Variants in CLINT1 observed in about 807,000 individuals in gnomAD.
CLINT1 encodes the protein clathrin interactor 1, also known as clathrin interacting protein localized in the trans-Golgi region.
In CLINT1, 15 loss-of-function variants were observed where a neutral mutation model predicts 70.4. The observed-to-expected ratio is 0.21, with a 90% CI of 0.14 to 0.33. CLINT1 has a LOEUF of 0.33. Ranked by LOEUF, CLINT1 falls within the 10% of genes least tolerant of loss-of-function variation. CLINT1 has a pLI of 1.00. For synonymous variants in CLINT1, 227 were observed against 254.7 expected (o/e 0.89, Z 1.04); for missense variants, 615 against 778.1 (o/e 0.79, Z 2.49).
chr5:157,852,291 G>A (rs994214065), intron 1 of CLINT1, among the ~76,000 whole-genome samples: 1 of 152,108 alleles, frequency 6.6e-6, no homozygotes, highest in Non-Finnish European at 1.5e-5. Context: ...AATATGCTTT[G>A]CAATATTAAA....
At position 157,852,387 on chromosome 5, in the gene CLINT1, A is replaced by G. The variant is rs969534282; in HGVS notation, c.41+6543T>C. ...ATTAGCTGTCCTATATGTAGGCTAA[A>G]CTGAGTCTTAAGAGAGAGTACTCAC... On this transcript the variant is annotated intron_variant, in intron 1 of 11. Coordinates refer to ENST00000411809, the MANE Select transcript of CLINT1 (RefSeq NM_014666.4). Among the ~76,000 whole-genome samples, 5 of 152,232 alleles carry G rather than the reference A, an allele frequency of 3.3e-5. No individual in the cohort carries two copies. The South Asian group carries it at 8.3e-4, about 25-fold the overall frequency.
intron 1 of CLINT1, among the ~76,000 whole-genome samples, chr5:157,854,094 G>C (rs988466459): frequency 6.6e-6 from 1 of 152,118 alleles, no homozygotes; most frequent in Non-Finnish European, 1.5e-5. Context: ...CTAGAAAGCT[G>C]ACAACTATCT....
chr5:157,810,896 C>A (rs1331725523), intron 5 of CLINT1, among the ~76,000 whole-genome samples: 2 of 152,118 alleles, frequency 1.3e-5, no homozygotes, highest in Non-Finnish European at 2.9e-5. Flanking sequence ...AACGATTTTG[C>A]TGAATTGCCT....
intron 1 of CLINT1, among the ~76,000 whole-genome samples, chr5:157,852,927 A>G (rs949011500): frequency 1.4e-4 from 21 of 152,246 alleles, no homozygotes; most frequent in Admixed American, 5.9e-4. Context: ...ATATGTTGTC[A>G]CCAAAGGTAG....
chr5:157,804,881 C>T (rs980495048), intron 7 of CLINT1, among the ~76,000 whole-genome samples: 36 of 151,764 alleles, frequency 2.4e-4, no homozygotes, highest in Non-Finnish European at 4.6e-4. Flanking sequence ...GAGCCAAGAT[C>T]GCGCCATTGC....
intron 8 of CLINT1, chr5:157,795,882 T>G (rs1213963774): frequency 1.3e-5 from 2 of 151,990 alleles, no homozygotes; most frequent in Non-Finnish European, 2.9e-5. Flanking sequence ...CTTAAAATAT[T>G]AAACTGAGCA....
chr5:157,830,885 AG>A (rs777789192), intron 1 of CLINT1, among the ~76,000 whole-genome samples: 10 of 150,746 alleles, frequency 6.6e-5, no homozygotes, highest in Non-Finnish European at 1.5e-4. Flanking sequence ...AAAATTAGCC[AG>A]GCGTGGTAGG....
At chr5:157,844,040 T>A (rs1753286320) in intron 1 of CLINT1, among the ~76,000 whole-genome samples, 1 of 152,124 alleles carries the variant, frequency 6.6e-6, no homozygotes, top group Non-Finnish European at 1.5e-5. Context: ...AGTGATACCA[T>A]CTCTTTGTGA....
At chr5:157,824,118 A>C (rs533033430) in intron 1 of CLINT1, among the ~76,000 whole-genome samples, 1 of 152,310 alleles carries the variant, frequency 6.6e-6, no homozygotes, top group South Asian at 2.1e-4. Context: ...AAAGTCTTAA[A>C]CCAGAAACAT....
intron 8 of CLINT1, among the ~76,000 whole-genome samples, chr5:157,799,857 T>C (rs1173753592): frequency 6.6e-6 from 1 of 152,120 alleles, no homozygotes; most frequent in East Asian, 1.9e-4. Context: ...GTACATCATG[T>C]CACTATACTG....
At chr5:157,830,747 CCTCTCTCTCCCTCTCTCTCTCTCTCTCT>C (rs1220417123) in intron 1 of CLINT1, among the ~76,000 whole-genome samples, 1 of 91,296 alleles carries the variant, frequency 1.1e-5, no homozygotes, top group Non-Finnish European at 2.3e-5. Context: ...CCTGCCCCTC[CCTCTCTCTCCCTCTCTCTCTCTCTCTCT>C]CTCTCTCTCT....
In CLINT1 at chr5:157,786,116, A is replaced by G. The variant is rs1761720887; in HGVS notation, c.*1530T>C. On this transcript the variant is annotated 3_prime_UTR_variant, in exon 12 of 12. Transcript: ENST00000411809. ...TAGCAAGAATGGAGCAGGTCAGGATATCTTTGCTGCTTCATTTTTAATTCC... is the reference window on the plus strand; with the variant it reads ...TAGCAAGAATGGAGCAGGTCAGGATGTCTTTGCTGCTTCATTTTTAATTCC... 6.6e-6 allele frequency: 1 copy of G among 152,212 alleles called. No homozygotes were observed. Among genetic ancestry groups the G allele is most frequent in the African/African-American group, 2.4e-5 (1 of 41,460 alleles). 9.4% of individuals were successfully genotyped at this position (152,212 alleles called of 1,614,324 possible). A position where few individuals can be genotyped will look rare whatever the true frequency, so the allele number is the denominator to read the frequency against.
chr5:157,832,321 G>A (rs1763272879), intron 1 of CLINT1, among the ~76,000 whole-genome samples: 1 of 152,134 alleles, frequency 6.6e-6, no homozygotes, highest in Non-Finnish European at 1.5e-5. Context: ...ATGTATATTT[G>A]AGAAGTAAAT....
At chr5:157,826,952 T>A (rs1337216558) in intron 1 of CLINT1, among the ~76,000 whole-genome samples, 2 of 152,160 alleles carry the variant, frequency 1.3e-5, no homozygotes, top group African/African-American at 2.4e-5. Context: ...AAACTGTACA[T>A]TTAGGAAATA....
Position 157,787,675 on chromosome 5 carries a change from A to C in CLINT1, c.1849T>G (p.Phe617Val). 6.2e-7 allele frequency: 1 copy of C among 1,612,914 alleles called. No individual in the cohort carries two copies. Among genetic ancestry groups the C allele is most frequent in the East Asian group, 2.2e-5 (1 of 44,884 alleles). Reference protein sequence around the residue: ...SGTVQPKQDAFANFANFSK With the variant: ...SGTVQPKQDAVANFANFSK ...TTGCTAAAATTGGCGAAATTTGCAA[A>C]GGCATCTTGCTTGGGTTGCACAGTT... Residue 617 changes from phenylalanine to valine, a missense_variant, in exon 12 of 12, where the codon TTT becomes GTT. Phe to Val is a conservative substitution (Grantham distance 50). Transcript: ENST00000411809.
chr5:157,799,766 GAGGGT>G (rs1455979409), intron 8 of CLINT1, among the ~76,000 whole-genome samples: 1 of 152,080 alleles, frequency 6.6e-6, no homozygotes, highest in Non-Finnish European at 1.5e-5. Context: ...AAACATCATA[GAGGGT>G]ACTTACACAA....
chr5:157,856,446 C>G (rs1753762848), intron 1 of CLINT1, among the ~76,000 whole-genome samples: 1 of 152,218 alleles, frequency 6.6e-6, no homozygotes, highest in South Asian at 2.1e-4. Context: ...CTCATAGAAG[C>G]CCTCATTCTA....
At chr5:157,794,326 A>G (rs928265569) in intron 9 of CLINT1, among the ~76,000 whole-genome samples, 3 of 152,064 alleles carry the variant, frequency 2.0e-5, no homozygotes, top group African/African-American at 7.2e-5. Flanking sequence ...TCAATCCTTG[A>G]TGTTTAAGCC....
chr5:157,808,064 T>A (rs1260587104), intron 6 of CLINT1, among the ~76,000 whole-genome samples: 1 of 152,092 alleles, frequency 6.6e-6, no homozygotes. Flanking sequence ...TATCTAGCTT[T>A]TTTATACTGA....
Sources: allele counts gnomAD v4.1 joint callset (sites outside exome capture counted in the v4.1 genomes callset), GRCh38; gene constraint gnomAD v4.1.1; transcripts MANE v1.5; gene names NCBI Gene and HGNC (gene_info 2026-07-23, HGNC 2026-07-21).